Variants in CADPS2 observed in about 807,000 individuals in gnomAD.
CADPS2 encodes calcium dependent secretion activator 2.
Under a neutral mutation model 172.5 loss-of-function variants are expected in CADPS2, and 93 were observed. That is an observed-to-expected ratio of 0.54 (90% CI 0.46 to 0.64). The LOEUF is 0.64. Ranked by LOEUF, CADPS2 falls within the 30% of genes least tolerant of loss-of-function variation. CADPS2 has a pLI of 0.00. For synonymous variants in CADPS2, 546 were observed against 555.2 expected (o/e 0.98, Z 0.23); for missense variants, 1,420 against 1,565.9 (o/e 0.91, Z 1.57).
At chr7:122,690,928 C>T (rs1260177586) in intron 2 of CADPS2, among the ~76,000 whole-genome samples, 2 of 152,072 alleles carry the variant, frequency 1.3e-5, no homozygotes, top group African/African-American at 4.8e-5. Context: ...TGTACCATGC[C>T]CCATTAGGAA....
chr7:122,630,377 CA>C (rs11357207), intron 3 of CADPS2, among the ~76,000 whole-genome samples: 8,416 of 127,920 alleles, frequency 0.066, 278 homozygotes, highest in African/African-American at 0.086. Context: ...TATGAAGAGT[CA>C]AAAAAAAAAA....
chr7:122,490,358 A>C (rs543022945), intron 10 of CADPS2, 77 bp from the exon 11 acceptor site: 443 of 1,045,946 alleles, frequency 4.2e-4, no homozygotes, highest in Non-Finnish European at 5.4e-4. Flanking sequence ...AACTGACCTC[A>C]TGGAAAAGAA....
intron 2 of CADPS2, among the ~76,000 whole-genome samples, chr7:122,666,793 C>T (rs1564008666): frequency 6.6e-6 from 1 of 152,160 alleles, no homozygotes; most frequent in Non-Finnish European, 1.5e-5. Flanking sequence ...AATGGTCTCC[C>T]AATGTACCAT....
intron 1 of CADPS2, among the ~76,000 whole-genome samples, chr7:122,817,044 T>C (rs773533628): frequency 6.6e-6 from 1 of 151,032 alleles, no homozygotes; most frequent in Non-Finnish European, 1.5e-5. Context: ...TCAAATCCTA[T>C]AAAACGGCCC....
At chr7:122,836,495 AAG>A (rs1808468918) in intron 1 of CADPS2, among the ~76,000 whole-genome samples, 1 of 152,332 alleles carries the variant, frequency 6.6e-6, no homozygotes, top group Middle Eastern at 3.4e-3. Context: ...AAATTGGATT[AAG>A]AGTCAAGACC....
At chr7:122,712,147 A>C (rs2088850826) in intron 2 of CADPS2, among the ~76,000 whole-genome samples, 1 of 152,094 alleles carries the variant, frequency 6.6e-6, no homozygotes, top group Non-Finnish European at 1.5e-5. Flanking sequence ...TGTTGAAAAC[A>C]ATGTTACTTT....
chr7:122,527,617 A>AGAGAGAGAGAGAGAGAGAGAGTGTGTGT, intron 8 of CADPS2, among the ~76,000 whole-genome samples: 1 of 83,802 alleles, frequency 1.2e-5, no homozygotes, highest in Non-Finnish European at 2.6e-5. Context: ...AGAGAGAGAG[A>AGAGAGAGAGAGAGAGAGAGAGTGTGTGT]GTGTGTGTGT....
intron 8 of CADPS2, among the ~76,000 whole-genome samples, chr7:122,547,783 G>T (rs1461370746): frequency 6.6e-6 from 1 of 152,080 alleles, no homozygotes; most frequent in African/African-American, 2.4e-5. Context: ...GAGAGAGAAG[G>T]GTTCTTTGTA....
At chr7:122,822,585 T>A (rs1292408553) in intron 1 of CADPS2, among the ~76,000 whole-genome samples, 1 of 145,882 alleles carries the variant, frequency 6.9e-6, no homozygotes, top group Non-Finnish European at 1.5e-5. Context: ...AGCCATCGCA[T>A]CCCCTGTGAC....
At chr7:122,323,732 T>G (rs2033106845) in intron 29 of CADPS2, among the ~76,000 whole-genome samples, 1 of 151,728 alleles carries the variant, frequency 6.6e-6, no homozygotes, top group African/African-American at 2.4e-5. Flanking sequence ...ATGTAACTTC[T>G]GAAATCTTGA....
Position 122,360,994 on chromosome 7 carries a change from C to A in CADPS2, c.3407G>T (p.Gly1136Val). The A allele has an allele frequency of 6.2e-7, 1 of 1,613,548 alleles. No homozygotes were observed. The highest frequency in any genetic ancestry group is 8.5e-7 in the Non-Finnish European group (1 of 1,179,700). The change falls in exon 26 of 30, where the codon GGC becomes GTC. Residue 1136 changes from glycine (G) to valine (V), a missense_variant. Transcript: ENST00000449022. ...LVSKFVSVLE[G>V]VLSKLSRYDE... ...ATACCTTGACAGCTTAGACAACACGCCTTCCAACACTGAAACAAACTATAA... is the reference window on the plus strand; with the variant it reads ...ATACCTTGACAGCTTAGACAACACGACTTCCAACACTGAAACAAACTATAA...
At chr7:122,425,692 G>C (rs1421136984) in intron 17 of CADPS2, among the ~76,000 whole-genome samples, 7 of 152,088 alleles carry the variant, frequency 4.6e-5, no homozygotes, top group Non-Finnish European at 8.8e-5. Context: ...CTGATGAATA[G>C]TCCCCTCCCT....
chr7:122,821,144 G>T (rs1349359084), intron 1 of CADPS2, among the ~76,000 whole-genome samples: 4 of 151,864 alleles, frequency 2.6e-5, no homozygotes, highest in Admixed American at 6.6e-5. Context: ...TGACCCCCAT[G>T]ACTGTATCTC....
intron 1 of CADPS2, among the ~76,000 whole-genome samples, chr7:122,819,944 G>A (rs537583448): frequency 2.6e-5 from 4 of 152,044 alleles, no homozygotes; most frequent in Non-Finnish European, 4.4e-5. Flanking sequence ...AAAGATTAAA[G>A]CCTGTTATCA....
intron 7 of CADPS2, among the ~76,000 whole-genome samples, chr7:122,566,305 T>C (rs150359170): frequency 3.6e-4 from 55 of 152,284 alleles, no homozygotes; most frequent in South Asian, 1.0e-3. Flanking sequence ...AACCCTTGCA[T>C]ATTGTTGGTA....
chr7:122,332,361 G>GTAGAACT (rs1255167977), intron 28 of CADPS2, among the ~76,000 whole-genome samples: 3 of 148,770 alleles, frequency 2.0e-5, no homozygotes, highest in Admixed American at 2.0e-4. Flanking sequence ...TTCTTCCATA[G>GTAGAACT]TAGAACTCTA....
intron 2 of CADPS2, among the ~76,000 whole-genome samples, chr7:122,721,733 CA>C (rs900368241): frequency 1.3e-5 from 2 of 149,948 alleles, no homozygotes; most frequent in African/African-American, 2.4e-5. Context: ...AGAGACACAA[CA>C]AAAAAAAAGA....
intron 1 of CADPS2, among the ~76,000 whole-genome samples, chr7:122,797,763 T>G (rs1796714238): frequency 6.6e-6 from 1 of 152,006 alleles, no homozygotes; most frequent in Non-Finnish European, 1.5e-5. Flanking sequence ...AACTAACAGG[T>G]ACTAGGAATA....
intron 2 of CADPS2, among the ~76,000 whole-genome samples, chr7:122,688,727 A>C (rs1487614800): frequency 6.6e-6 from 1 of 151,690 alleles, no homozygotes; most frequent in Non-Finnish European, 1.5e-5. Context: ...TTAGAGCCAA[A>C]TGATGAGCCT....
Sources: gnomAD v4.1 joint callset for allele counts (sites outside exome capture counted in the v4.1 genomes callset) on GRCh38, gnomAD v4.1.1 for gene constraint, MANE v1.5 for transcripts, NCBI Gene and HGNC (gene_info 2026-07-23, HGNC 2026-07-21) for gene names.